The following ZNF521 variants were observed in gnomAD, a reference collection of about 807,000 sequenced individuals.
ZNF521 encodes the protein zinc finger protein 521, also known as LYST-interacting protein 3.
A neutral mutation model predicts 105.5 loss-of-function variants in ZNF521; 14 were observed. That is an observed-to-expected ratio of 0.13 (90% CI 0.09 to 0.21). The LOEUF (loss-of-function observed/expected upper bound fraction) is 0.21. Ranked by LOEUF, ZNF521 falls within the 10% of genes least tolerant of loss-of-function variation. The pLI is 1.00. For missense variants in ZNF521, 1,233 were observed against 1,629.7 expected, an observed-to-expected ratio of 0.76 and a Z score of 4.19; for synonymous variants, 635 against 606.0, an observed-to-expected ratio of 1.05 and a Z score of -0.70.
intron 3 of ZNF521, among the ~76,000 whole-genome samples, chr18:25,309,133 T>G: frequency 6.6e-6 from 1 of 152,166 alleles, no homozygotes; most frequent in Non-Finnish European, 1.5e-5. Flanking sequence ...CAGAAGGAAG[T>G]TAGCGGTAAT....
chr18:25,109,546 G>A (rs925415894), intron 5 of ZNF521, among the ~76,000 whole-genome samples: 2 of 152,092 alleles, frequency 1.3e-5, no homozygotes, highest in Non-Finnish European at 1.5e-5. Context: ...CATAGAGGTC[G>A]TACTAATTTA....
chr18:25,111,808 A>G (rs1283639416), intron 5 of ZNF521, among the ~76,000 whole-genome samples: 1 of 152,238 alleles, frequency 6.6e-6, no homozygotes, highest in Non-Finnish European at 1.5e-5. Flanking sequence ...CTGACCCAGT[A>G]TCTGGCTGAT....
intron 5 of ZNF521, among the ~76,000 whole-genome samples, chr18:25,105,030 G>T (rs1238212653): frequency 6.6e-6 from 1 of 152,082 alleles, no homozygotes; most frequent in African/African-American, 2.4e-5. Flanking sequence ...AATTCTCAAA[G>T]AATTAGACAT....
chr18:25,227,584 C>T lies in ZNF521; in HGVS notation c.334G>A (p.Gly112Ser), dbSNP rs1428795298. The change falls in exon 4 of 8, where the codon GGT becomes AGT. Residue 112 changes from glycine to serine, a missense_variant. Coordinates refer to ENST00000361524, the MANE Select transcript of ZNF521 (RefSeq NM_015461.3). This position sits in a 1 kb window ranked among gnomAD's most constrained non-coding sequence, Gnocchi z 5.7. ...CACGGGTATGGAAGCCCAGGGCCAC[C>T]TTCTTCCTCTCCAAAATCGCAACCT... The part of the protein sequence containing the change: ...GEGCDFGEEE[G>S]GPGLPYPCQF... 3.7e-6 allele frequency: 6 copies of T among 1,614,042 alleles called. No individual in the cohort carries two copies. Among genetic ancestry groups the T allele is most frequent in the Non-Finnish European group, 5.1e-6 (6 of 1,180,014 alleles).
chr18:25,086,798 A>T (rs748780690), intron 7 of ZNF521, among the ~76,000 whole-genome samples: 1 of 152,182 alleles, frequency 6.6e-6, no homozygotes, highest in African/African-American at 2.4e-5. Context: ...TGTATGAGCG[A>T]GTCAGAAATG....
chr18:25,233,948 GA>G (rs1906707135), intron 3 of ZNF521, among the ~76,000 whole-genome samples: 1 of 152,162 alleles, frequency 6.6e-6, no homozygotes. Context: ...AAATTAAATA[GA>G]AAACAGTGCA....
At chr18:25,235,524 G>A (rs1385455646) in intron 3 of ZNF521, among the ~76,000 whole-genome samples, 12 of 152,104 alleles carry the variant, frequency 7.9e-5, no homozygotes, top group Admixed American at 2.6e-4. Flanking sequence ...TTCAAAAAAC[G>A]AAATCAAATT....
intron 3 of ZNF521, among the ~76,000 whole-genome samples, chr18:25,271,292 T>G (rs1419620014): frequency 1.3e-5 from 2 of 152,208 alleles, no homozygotes; most frequent in Non-Finnish European, 2.9e-5. Flanking sequence ...TGGAAGAACA[T>G]TCCATGCTCA....
At chr18:25,263,356 C>T (rs939596115) in intron 3 of ZNF521, among the ~76,000 whole-genome samples, 7 of 147,760 alleles carry the variant, frequency 4.7e-5, no homozygotes, top group African/African-American at 7.4e-5. Flanking sequence ...CAATAACTTG[C>T]TTTTTTTTTT....
chr18:25,294,573 G>A (rs1189988447), intron 3 of ZNF521, among the ~76,000 whole-genome samples: 1 of 152,012 alleles, frequency 6.6e-6, no homozygotes, highest in Non-Finnish European at 1.5e-5. Context: ...GTAGGTTTAG[G>A]CTGCCAGGTG....
intron 3 of ZNF521, among the ~76,000 whole-genome samples, chr18:25,271,069 A>G (rs1184766533): frequency 6.6e-6 from 1 of 152,206 alleles, no homozygotes; most frequent in African/African-American, 2.4e-5. Flanking sequence ...AAGCAACTTC[A>G]GCAGTCTCAG....
chr18:25,129,610 T>C (rs2034603092), intron 5 of ZNF521, among the ~76,000 whole-genome samples: 1 of 151,982 alleles, frequency 6.6e-6, no homozygotes, highest in Non-Finnish European at 1.5e-5. Flanking sequence ...ATCTAAAATA[T>C]GTAATAGTCT....
chr18:25,211,797 T>A (rs1164072773), intron 4 of ZNF521, among the ~76,000 whole-genome samples: 2 of 152,246 alleles, frequency 1.3e-5, no homozygotes, highest in East Asian at 3.8e-4. Context: ...AATTCCCTTA[T>A]AGAAAGTGAT....
chr18:25,128,366 T>A (rs181496553), intron 5 of ZNF521, among the ~76,000 whole-genome samples: 1 of 152,082 alleles, frequency 6.6e-6, no homozygotes, highest in East Asian at 1.9e-4. Context: ...ATCATACCAG[T>A]GGTAAGAAGC....
chr18:25,350,889 C>T lies in ZNF521; in HGVS notation c.40+18G>A, dbSNP rs1372660742. 6.5e-7 allele frequency: 1 copy of T among 1,548,488 alleles called. No homozygotes were observed. The highest frequency in any genetic ancestry group is 8.7e-7 in the Non-Finnish European group (1 of 1,145,492). ...CTCGCGGATGGGGGAAAGCGGGGAG[C>T]AGGGGGTTCCTCCTTACCTTTGAGG... is the stretch of plus-strand genomic sequence containing the variant. On this transcript the variant is annotated intron_variant, in intron 2 of 7. Transcript: ENST00000361524.
chr18:25,314,292 C>A (rs971110976), intron 3 of ZNF521, among the ~76,000 whole-genome samples: 1 of 152,174 alleles, frequency 6.6e-6, no homozygotes, highest in Non-Finnish European at 1.5e-5. Flanking sequence ...GCCAACAGAA[C>A]TAGCTGTTAG....
chr18:25,329,469 T>C (rs954865614), intron 2 of ZNF521, among the ~76,000 whole-genome samples: 1 of 152,154 alleles, frequency 6.6e-6, no homozygotes, highest in African/African-American at 2.4e-5. Flanking sequence ...TTGGGCTACA[T>C]TTTGAAGGCC....
intron 5 of ZNF521, among the ~76,000 whole-genome samples, chr18:25,178,233 C>A (rs2035568063): frequency 6.6e-6 from 1 of 152,158 alleles, no homozygotes; most frequent in African/African-American, 2.4e-5. Context: ...CAGAAAGAGG[C>A]TTCTAGAAAT....
intron 7 of ZNF521, among the ~76,000 whole-genome samples, chr18:25,088,899 T>C (rs2033684530): frequency 6.6e-6 from 1 of 152,246 alleles, no homozygotes; most frequent in Non-Finnish European, 1.5e-5. Flanking sequence ...CCAAGGTTAC[T>C]CACACATTAA....
Sources: allele counts gnomAD v4.1 joint callset (sites outside exome capture counted in the v4.1 genomes callset), GRCh38; gene constraint gnomAD v4.1.1; non-coding constraint Gnocchi (gnomAD v3.1); transcripts MANE v1.5; gene names NCBI Gene and HGNC (gene_info 2026-07-23, HGNC 2026-07-21).